Variants in TGDS observed in about 807,000 individuals in gnomAD.
TGDS encodes the protein UDP-D-glucose 4,6-dehydratase.
A neutral mutation model predicts 52.3 loss-of-function variants in TGDS; 47 were observed. The observed-to-expected ratio is 0.90, with a 90% CI of 0.71 to 1.15. The LOEUF (loss-of-function observed/expected upper bound fraction) is 1.15, where lower values mean the gene tolerates loss of function less well. Among genes scored for constraint, TGDS ranks in the 50% most tolerant of loss-of-function variants. The pLI, the probability that TGDS is intolerant of heterozygous loss-of-function variation, is 0.00. For missense variants in TGDS, 375 were observed against 418.4 expected (o/e 0.90, Z 0.90); for synonymous variants, 115 against 136.9 (o/e 0.84, Z 1.12).
intron 9 of TGDS, among the ~76,000 whole-genome samples, 194 bp downstream of exon 9, chr13:94,577,811 T>G (rs1040555961): frequency 6.6e-6 from 1 of 152,220 alleles, no homozygotes. Context: ...ATTTAGTGAA[T>G]TATTTTTTCC....
chr13:94,577,388 A>C lies in TGDS; in HGVS notation c.867T>G (p.Val289=). 1 of 1,575,350 alleles carries C rather than the reference A, an allele frequency of 6.3e-7. No homozygotes were observed. Among genetic ancestry groups the C allele is most frequent in the Non-Finnish European group, 8.6e-7 (1 of 1,165,206 alleles). Residue 289 remains valine (V), a synonymous_variant, in exon 10 of 12, where the codon GTT becomes GTG. Coordinates refer to ENST00000261296, the MANE Select transcript of TGDS (RefSeq NM_014305.4). ...TNSESEMENW[V]DYVNDRPTND... Reference sequence around the variant, plus strand: ...TTACTCACCTATCATTAACATAATCAACCCAATTTTCCATTTCAGACTCTG... The same window carrying C: ...TTACTCACCTATCATTAACATAATCCACCCAATTTTCCATTTCAGACTCTG...
chr13:94,581,239 T>C (rs756337753), intron 5 of TGDS, 50 bp from the exon 6 acceptor site: 33 of 1,259,920 alleles, frequency 2.6e-5, no homozygotes, highest in South Asian at 1.6e-4. Flanking sequence ...ATTTTAAGTA[T>C]AGAAATCAGA....
intron 7 of TGDS, 140 bp downstream of exon 7, chr13:94,579,754 G>A (rs533086764): frequency 1.2e-5 from 6 of 492,482 alleles, no homozygotes; most frequent in East Asian, 1.0e-4. Context: ...GAAGGAATCT[G>A]CAAGTGGTGT....
At chr13:94,586,730 G>A (rs1453229625) in intron 4 of TGDS, among the ~76,000 whole-genome samples, 1 of 148,878 alleles carries the variant, frequency 6.7e-6, no homozygotes, top group Non-Finnish European at 1.5e-5. Context: ...GTAACCCACG[G>A]ATGAGAGAAG....
At position 94,591,002 on chromosome 13, in the gene TGDS, C is replaced by A. The variant is rs1889182632; in HGVS notation, c.223-59G>T. The A allele has an allele frequency of 3.2e-6, 4 of 1,255,738 alleles. No individual in the cohort carries two copies. In the East Asian group the frequency reaches 7.9e-5, roughly 25 times the overall value. 77.8% of individuals were successfully genotyped at this position (1,255,738 alleles called of 1,614,324 possible). Reference sequence around the variant, plus strand: ...TTTCATACAGCACTCTCATTCATAACCATTTTTACTATAGCATCCCCCTAC... The same window carrying A: ...TTTCATACAGCACTCTCATTCATAAACATTTTTACTATAGCATCCCCCTAC... On this transcript the variant is annotated intron_variant, in intron 3 of 11. Coordinates refer to ENST00000261296, the MANE Select transcript of TGDS (RefSeq NM_014305.4).
intron 7 of TGDS, 50 bp downstream of exon 7, chr13:94,579,844 G>T: frequency 9.8e-7 from 1 of 1,020,054 alleles, no homozygotes; most frequent in South Asian, 1.4e-5. Context: ...TTCAAACAAT[G>T]AGAAGTTACA....
At position 94,574,580 on chromosome 13, in the gene TGDS, A is replaced by G. The variant is rs1050811453; in HGVS notation, c.*202T>C. The G allele has an allele frequency of 4.0e-5, 20 of 501,706 alleles. No individual in the cohort carries two copies. Among genetic ancestry groups the G allele is most frequent in the African/African-American group, 3.6e-4 (18 of 50,190 alleles). The allele number at this position is 501,706 out of a possible 1,614,324, so 31.1% of individuals were successfully genotyped here. Reference sequence around the variant, plus strand: ...GTTTCTAGGAGAAAGGGTTTCAGAAAGAATTTTGACATTTAAATTCTATGC... The same window carrying G: ...GTTTCTAGGAGAAAGGGTTTCAGAAGGAATTTTGACATTTAAATTCTATGC... On this transcript the variant is annotated 3_prime_UTR_variant, in exon 12 of 12. Transcript: ENST00000261296.
In TGDS at chr13:94,581,256, G is replaced by C; in HGVS notation, c.457-67C>G. The C allele has an allele frequency of 2.9e-6, 3 of 1,042,658 alleles. No homozygotes were observed. The South Asian group carries it at 5.8e-5, about 20-fold the overall frequency. The allele number at this position is 1,042,658 out of a possible 1,614,324, so 64.6% of individuals were successfully genotyped here. A position where few individuals can be genotyped will look rare whatever the true frequency, so the allele number is the denominator to read the frequency against. Reference sequence around the variant, plus strand: ...TTTAAGTATAGAAATCAGAGCATATGTTAACACTTCAAATGTCAATCACCA... The same window carrying C: ...TTTAAGTATAGAAATCAGAGCATATCTTAACACTTCAAATGTCAATCACCA... On this transcript the variant is annotated intron_variant, in intron 5 of 11. Coordinates refer to ENST00000261296, the MANE Select transcript of TGDS (RefSeq NM_014305.4).
chr13:94,574,953 C>CA, intron 11 of TGDS, 101 bp from the exon 12 acceptor site: 1 of 661,098 alleles, frequency 1.5e-6, no homozygotes. Context: ...TAAGTCTTGC[C>CA]CATCAGCTAA....
rs1284224643 is a variant in TGDS at position 94,576,345 on chromosome 13, T to G, written c.951A>C (p.Lys317Asn). ...TCTTTATTCCTTCTTTCCAAGGCAC[T>G]TTAGGTCTCCATCCTAAGCCATGTA... ...EKIHGLGWRP[K>N]VPWKEGIKKT... is the part of the protein sequence containing the mutation. The change falls in exon 11 of 12, where the codon AAA becomes AAC. Residue 317 changes from lysine to asparagine, a missense_variant. Lys to Asn is a moderately conservative substitution (Grantham distance 94). Coordinates refer to ENST00000261296, the MANE Select transcript of TGDS (RefSeq NM_014305.4). The G allele has an allele frequency of 6.2e-7, 1 of 1,607,278 alleles. No individual in the cohort carries two copies. The highest frequency in any genetic ancestry group is 2.2e-5 in the East Asian group (1 of 44,486).
Position 94,595,836 on chromosome 13 carries a change from T to C in TGDS, c.86+215A>G, listed in dbSNP as rs1364837739. The C allele has an allele frequency of 1.5e-5, 9 of 607,126 alleles. No individual in the cohort carries two copies. The Admixed American group carries it at 2.6e-4, about 17-fold the overall frequency. 37.6% of individuals were successfully genotyped at this position (607,126 alleles called of 1,614,324 possible). On this transcript the variant is annotated intron_variant, in intron 1 of 11. Transcript: ENST00000261296. ...CAGAAGGGCGGAGAGTAACGCAGCT[T>C]TGGAAGAGGCGTTTTAAAGAAGTCA... is the stretch of plus-strand genomic sequence containing the variant.
chr13:94,586,907 T>G (rs576889346), intron 4 of TGDS, among the ~76,000 whole-genome samples: 2 of 152,066 alleles, frequency 1.3e-5, no homozygotes, highest in South Asian at 4.2e-4. Flanking sequence ...TACAGGCACA[T>G]GCCATCATGC....
chr13:94,584,039 CA>C (rs2139526941), intron 4 of TGDS, among the ~76,000 whole-genome samples: 1 of 152,288 alleles, frequency 6.6e-6, no homozygotes, highest in Non-Finnish European at 1.5e-5. Flanking sequence ...AAAAAGTTGA[CA>C]AATCACTTAG....
chr13:94,587,054 T>G (rs534724782), intron 4 of TGDS, among the ~76,000 whole-genome samples: 15 of 152,066 alleles, frequency 9.9e-5, no homozygotes, highest in Admixed American at 6.6e-5. Context: ...TGTTAGCCAC[T>G]GCACCCAGCA....
chr13:94,587,498 C>T (rs893778809), intron 4 of TGDS, among the ~76,000 whole-genome samples: 4 of 150,924 alleles, frequency 2.7e-5, no homozygotes, highest in South Asian at 4.2e-4. Flanking sequence ...TGAATAGAGC[C>T]GAGAAACAAA....
intron 1 of TGDS, among the ~76,000 whole-genome samples, chr13:94,595,694 T>C (rs959539274): frequency 6.6e-5 from 10 of 152,138 alleles, no homozygotes; most frequent in Non-Finnish European, 1.2e-4. Flanking sequence ...GGTGCCTATA[T>C]GTACAGGGCC....
chr13:94,576,064 T>C (rs963889147), intron 11 of TGDS, among the ~76,000 whole-genome samples: 2 of 152,128 alleles, frequency 1.3e-5, no homozygotes, highest in Admixed American at 6.5e-5. Context: ...AATATGTACC[T>C]CAGAATAAAT....
chr13:94,593,677 A>G (rs989570197), intron 2 of TGDS, among the ~76,000 whole-genome samples, 164 bp downstream of exon 2: 1 of 152,220 alleles, frequency 6.6e-6, no homozygotes, highest in African/African-American at 2.4e-5. Context: ...AAACTTTTAT[A>G]TAAGATTAAA....
In TGDS at chr13:94,584,367, G is replaced by A. The variant is rs976958963; in HGVS notation, c.314-1131C>T. On this transcript the variant is annotated intron_variant, in intron 4 of 11. Coordinates refer to ENST00000261296, the MANE Select transcript of TGDS (RefSeq NM_014305.4). ...TTAAAAGAAGAAATGTGGACTCACT[G>A]TGTGTTTTGGAATAAAGTAAATGAG... Among the ~76,000 whole-genome samples the A allele has an allele frequency of 4.6e-5, 7 of 152,224 alleles. No homozygotes were observed. In the South Asian group the frequency reaches 1.2e-3, roughly 27 times the overall value.
Sources: allele counts gnomAD v4.1 joint callset (sites outside exome capture counted in the v4.1 genomes callset), GRCh38; gene constraint gnomAD v4.1.1; transcripts MANE v1.5; gene names NCBI Gene and HGNC (gene_info 2026-07-23, HGNC 2026-07-21).